The following CHST8 variants were observed in gnomAD, a reference collection of about 807,000 sequenced individuals.
CHST8 encodes the protein carbohydrate sulfotransferase 8, also known as GALNAC-4-ST1.
Under a neutral mutation model 15.0 loss-of-function variants are expected in CHST8, and 10 were observed. The ratio of observed to expected loss-of-function variants is 0.67; its 90% CI spans 0.41 to 1.13. CHST8 has a LOEUF of 1.13. CHST8 is among the 50% of genes most tolerant of loss of function. The pLI is 0.00. For missense variants in CHST8, 634 were observed against 608.2 expected, an observed-to-expected ratio of 1.04 and a Z score of -0.45; for synonymous variants, 259 against 256.6, an observed-to-expected ratio of 1.01 and a Z score of -0.09.
At chr19:33,664,010 AACAC>A (rs1972618786) in intron 1 of CHST8, among the ~76,000 whole-genome samples, 1 of 152,202 alleles carries the variant, frequency 6.6e-6, no homozygotes, top group African/African-American at 2.4e-5. Flanking sequence ...TTATGGCAAA[AACAC>A]ACACAAAGCC....
intron 4 of CHST8, 111 bp from the exon 5 acceptor site, chr19:33,771,846 C>T (rs2145397449): frequency 2.3e-6 from 3 of 1,311,078 alleles, no homozygotes; most frequent in Non-Finnish European, 1.1e-6. Context: ...CAGCCTGTCT[C>T]CCTCACCTGA....
chr19:33,688,224 C>T (rs1051297587), intron 2 of CHST8, among the ~76,000 whole-genome samples: 1 of 152,216 alleles, frequency 6.6e-6, no homozygotes, highest in Non-Finnish European at 1.5e-5. Context: ...GGGCAAATGG[C>T]CTTGGGGTGC....
Position 33,757,462 on chromosome 19 carries a change from GAAAGAAAGAAAGAAA to G in CHST8, c.131-13950_131-13936del, listed in dbSNP as rs1974590025. On this transcript the variant is annotated intron_variant, in intron 3 of 4. Transcript: ENST00000650847. ...AGAAAGAAAGAAAGAAAGAAAGAAA[GAAAGAAAGAAAGAAA>G]GAAAGAAAGAAAGAAAGAAAGAAAG... Among the ~76,000 whole-genome samples the G allele has an allele frequency of 3.4e-4, 13 of 38,142 alleles. 2 individuals are homozygous for G. The highest frequency in any genetic ancestry group is 6.9e-4 in the Non-Finnish European group (13 of 18,934). The allele number at this position is 38,142 out of a possible 152,430, so 25.0% of individuals were successfully genotyped here. A position where few individuals can be genotyped will look rare whatever the true frequency, so the allele number is the denominator to read the frequency against.
intron 3 of CHST8, among the ~76,000 whole-genome samples, chr19:33,702,487 G>C (rs1343943195): frequency 2.6e-5 from 4 of 152,228 alleles, no homozygotes; most frequent in Non-Finnish European, 5.9e-5. Flanking sequence ...AAGCCCCAAG[G>C]CTCTTCCATT....
chr19:33,743,972 G>T (rs967522662), intron 3 of CHST8, among the ~76,000 whole-genome samples: 1 of 151,722 alleles, frequency 6.6e-6, no homozygotes, highest in Non-Finnish European at 1.5e-5. Context: ...TTGTATTTTA[G>T]TAGAGACAGG....
intron 2 of CHST8, 40 bp from the exon 3 acceptor site, chr19:33,689,136 C>T: frequency 8.2e-7 from 1 of 1,218,228 alleles, no homozygotes; most frequent in Non-Finnish European, 1.1e-6. Flanking sequence ...GCCCGGGTGC[C>T]TCGCGCCTCG....
rs1568358815 is a variant in CHST8, at chr19:33,757,526, A to AGAG, written c.131-13887_131-13886insGAG. Among the ~76,000 whole-genome samples the AGAG allele has an allele frequency of 4.5e-4, 8 of 17,666 alleles. 2 individuals are homozygous for AGAG. The highest frequency in any genetic ancestry group is 3.5e-3 in the South Asian group (2 of 564). The allele number at this position is 17,666 out of a possible 152,430, so 11.6% of individuals were successfully genotyped here. Reference sequence around the variant, plus strand: ...AGAAAGAAAGAAAGAAAGAAAGAGAAAGAAAGAAAGAAAGAAAGAAAGAAA... The same window carrying AGAG: ...AGAAAGAAAGAAAGAAAGAAAGAGAAGAGAGAAAGAAAGAAAGAAAGAAAGAAA... On this transcript the variant is annotated intron_variant, in intron 3 of 4. Transcript: ENST00000650847.
intron 1 of CHST8, among the ~76,000 whole-genome samples, chr19:33,624,707 C>T (rs537893248): frequency 2.0e-5 from 3 of 152,284 alleles, no homozygotes; most frequent in African/African-American, 7.2e-5. Flanking sequence ...CAGGCTGCTC[C>T]CCTGCTCTGA....
rs1002706216 is a variant in CHST8 at position 33,740,549 on chromosome 19, A to T, written c.131-30864A>T. Among the ~76,000 whole-genome samples, 8 of 152,340 alleles carry T rather than the reference A, an allele frequency of 5.3e-5. No homozygotes were observed. In the South Asian group the frequency reaches 1.4e-3, roughly 28 times the overall value. ...GAGAATCACCCTGAAACAGACCCAG[A>T]CTGGCAATGTAAGTCGGACTGTCAT... is the stretch of plus-strand genomic sequence containing the variant. On this transcript the variant is annotated intron_variant, in intron 3 of 4. Transcript: ENST00000650847.
intron 3 of CHST8, among the ~76,000 whole-genome samples, chr19:33,729,463 C>T (rs908981541): frequency 2.0e-5 from 3 of 152,198 alleles, no homozygotes; most frequent in African/African-American, 7.2e-5. Context: ...AGTGACAGCC[C>T]GTCATTGTAG....
At chr19:33,693,679 G>A (rs866763532) in intron 3 of CHST8, among the ~76,000 whole-genome samples, 2 of 152,094 alleles carry the variant, frequency 1.3e-5, no homozygotes, top group African/African-American at 2.4e-5. Context: ...AAGGATTCAC[G>A]TTGTTCTCTG....
intron 3 of CHST8, among the ~76,000 whole-genome samples, chr19:33,714,730 T>C (rs181967605): frequency 1.3e-5 from 2 of 152,206 alleles, no homozygotes; most frequent in Admixed American, 6.5e-5. Context: ...CTCGTGATAG[T>C]GAATGAGTCT....
intron 3 of CHST8, among the ~76,000 whole-genome samples, chr19:33,769,214 C>G (rs1484194002): frequency 6.6e-6 from 1 of 152,196 alleles, no homozygotes; most frequent in Non-Finnish European, 1.5e-5. Flanking sequence ...GGGGCTGCAA[C>G]CTCAACAAGC....
chr19:33,757,394 GAAAGAAAGAAAGAAAGAAAGAAAGAAA>G, intron 3 of CHST8, among the ~76,000 whole-genome samples: 1 of 4,938 alleles, frequency 2.0e-4, no homozygotes, highest in African/African-American at 5.0e-4. Context: ...AAAGAAGAAA[GAAAGAAAGAAAGAAAGAAAGAAAGAAA>G]GAAAGAAAGA....
intron 3 of CHST8, among the ~76,000 whole-genome samples, chr19:33,712,531 TC>T (rs1389713736): frequency 6.6e-6 from 1 of 152,144 alleles, no homozygotes; most frequent in Admixed American, 6.5e-5. Flanking sequence ...CTGTGCCTAG[TC>T]CCTTGATAAG....
intron 3 of CHST8, among the ~76,000 whole-genome samples, chr19:33,716,757 A>G (rs74695785): frequency 0.043 from 6,607 of 152,248 alleles, 450 homozygotes; most frequent in African/African-American, 0.15. Flanking sequence ...AGGGAGAATC[A>G]TTAGTTGGCT....
rs187444739 is a variant in CHST8, at chr19:33,648,747, T to C, written c.-163-19020T>C. On this transcript the variant is annotated intron_variant, in intron 1 of 4. Coordinates refer to ENST00000650847, the MANE Select transcript of CHST8 (RefSeq NM_001127895.2). ...AATGAAAATATATGTCCCCAAAGAC[T>C]TTGTACACGAATGTGTACACAGCAG... Among the ~76,000 whole-genome samples, 175 of 152,216 alleles carry C rather than the reference T, an allele frequency of 1.1e-3. 1 individual carries two copies. The highest frequency in any genetic ancestry group is 4.1e-3 in the African/African-American group (169 of 41,526).
At chr19:33,664,866 TG>T (rs1972635193) in intron 1 of CHST8, among the ~76,000 whole-genome samples, 1 of 152,186 alleles carries the variant, frequency 6.6e-6, no homozygotes, top group Non-Finnish European at 1.5e-5. Context: ...TTTCTATGCT[TG>T]GCTTATTTCA....
chr19:33,756,532 C>G (rs1457178006), intron 3 of CHST8, among the ~76,000 whole-genome samples: 1 of 152,196 alleles, frequency 6.6e-6, no homozygotes, highest in Admixed American at 6.5e-5. Context: ...TGAGACCTCC[C>G]TGTCTGGGGG....
Sources: allele counts gnomAD v4.1 joint callset (sites outside exome capture counted in the v4.1 genomes callset), GRCh38; gene constraint gnomAD v4.1.1; transcripts MANE v1.5; gene names NCBI Gene and HGNC (gene_info 2026-07-23, HGNC 2026-07-21).